JMY: variants seen among roughly 807,000 people sequenced by gnomAD.
JMY encodes the protein junction mediating and regulatory protein, p53 cofactor.
JMY carries 46 observed loss-of-function variants against 103.3 expected under a neutral mutation model. That is an observed-to-expected ratio of 0.45 (90% CI 0.35 to 0.57). JMY has a LOEUF of 0.57. Among genes scored for constraint, JMY ranks in the 20% least tolerant of loss-of-function variants. The pLI is 0.00. For synonymous variants in JMY, 526 were observed against 489.3 expected (o/e 1.07, Z -0.99); for missense variants, 1,238 against 1,255.2 (o/e 0.99, Z 0.21).
Position 79,284,587 on chromosome 5 carries a change from G to A in JMY, c.1207-5534G>A, listed in dbSNP as rs992328489. The A allele has an allele frequency of 2.4e-5, 37 of 1,539,776 alleles. No homozygotes were observed. The African/African-American group carries it at 3.8e-4, about 16-fold the overall frequency. On this transcript the variant is annotated intron_variant, in intron 2 of 10. Transcript: ENST00000396137. Reference sequence around the variant, plus strand: ...TCATTGTCTGCCATTTTTTGACCATGGAACACATTTTGTCACAGGTAAGAT... The same window carrying A: ...TCATTGTCTGCCATTTTTTGACCATAGAACACATTTTGTCACAGGTAAGAT...
intron 1 of JMY, among the ~76,000 whole-genome samples, chr5:79,247,624 T>C (rs935266050): frequency 7.2e-5 from 11 of 151,936 alleles, no homozygotes; most frequent in African/African-American, 2.7e-4. Flanking sequence ...GCCCCTGCTA[T>C]CACTTCTATT....
At chr5:79,258,297 CTTT>C (rs1225930409) in intron 1 of JMY, among the ~76,000 whole-genome samples, 1 of 139,440 alleles carries the variant, frequency 7.2e-6, no homozygotes, top group African/African-American at 2.7e-5. Flanking sequence ...GATATTAGGG[CTTT>C]TTTTGTTTTT....
Position 79,323,328 on chromosome 5 carries a change from A to T in JMY, c.*1726A>T, listed in dbSNP as rs999228294. ...CTAGGAGCTTCTCTGCAGCATCTTC[A>T]TAATACATTGGTTTTAGTTCCCACA... is the stretch of plus-strand genomic sequence containing the variant. On this transcript the variant is annotated 3_prime_UTR_variant, in exon 11 of 11. Transcript: ENST00000396137. 3.3e-5 allele frequency: 5 copies of T among 152,212 alleles called. No homozygotes were observed. The highest frequency in any genetic ancestry group is 1.2e-4 in the African/African-American group (5 of 41,460). The allele number at this position is 152,212 out of a possible 1,614,324, so 9.4% of individuals were successfully genotyped here.
chr5:79,238,251 C>CT lies in JMY; in HGVS notation c.1032+578dup, dbSNP rs199710232. 1.4e-3 allele frequency among the ~76,000 whole-genome samples: 207 copies of CT among 151,094 alleles called. 1 individual carries two copies. The East Asian group carries it at 0.019, about 14-fold the overall frequency. On this transcript the variant is annotated intron_variant, in intron 1 of 10. Coordinates refer to ENST00000396137, the MANE Select transcript of JMY (RefSeq NM_152405.5). ...AAGGTTTTTTAGAAGTGTTTTGTTT[C>CT]TTTTTTTTTGGACTACCTCAGGTCT...
intron 1 of JMY, among the ~76,000 whole-genome samples, chr5:79,264,295 C>T (rs562527720): frequency 6.6e-6 from 1 of 152,206 alleles, no homozygotes; most frequent in East Asian, 1.9e-4. Flanking sequence ...CTGTGTTACC[C>T]AGGCTGGTTT....
intron 6 of JMY, 60 bp downstream of exon 6, chr5:79,300,923 CT>C: frequency 7.3e-7 from 1 of 1,372,494 alleles, no homozygotes; most frequent in Non-Finnish European, 9.9e-7. Flanking sequence ...CTAATCTCAT[CT>C]GTTTTGTCTT....
Position 79,323,055 on chromosome 5 carries a change from T to TAAGA in JMY, c.*1454_*1457dup, listed in dbSNP as rs986845686. 6.6e-6 allele frequency: 1 copy of TAAGA among 151,756 alleles called. No individual in the cohort carries two copies. The highest frequency in any genetic ancestry group is 2.4e-5 in the African/African-American group (1 of 41,230). The allele number at this position is 151,756 out of a possible 1,614,324, so 9.4% of individuals were successfully genotyped here. ...GAAAATTTTCTGGCAACAGGTTATGTAAGACAACAACTTTTTTTATTATTT... is the reference window on the plus strand; with the variant it reads ...GAAAATTTTCTGGCAACAGGTTATGTAAGAAAGACAACAACTTTTTTTATTATTT... On this transcript the variant is annotated 3_prime_UTR_variant, in exon 11 of 11. Transcript: ENST00000396137.
intron 4 of JMY, among the ~76,000 whole-genome samples, chr5:79,298,822 T>C (rs1435956926): frequency 1.3e-5 from 2 of 152,370 alleles, no homozygotes; most frequent in East Asian, 1.9e-4. Flanking sequence ...AGGAAAAATA[T>C]TCTAATTATT....
chr5:79,289,493 T>C (rs1314795754), intron 2 of JMY, among the ~76,000 whole-genome samples: 1 of 152,214 alleles, frequency 6.6e-6, no homozygotes, highest in Non-Finnish European at 1.5e-5. Flanking sequence ...CAGTTCTTGA[T>C]TGTACCTTTC....
Position 79,323,624 on chromosome 5 carries a change from C to CACT in JMY, c.*2023_*2025dup, listed in dbSNP as rs1182662329. On this transcript the variant is annotated 3_prime_UTR_variant, in exon 11 of 11. Coordinates refer to ENST00000396137, the MANE Select transcript of JMY (RefSeq NM_152405.5). ...ATATCCAGTTCTTTGGGTGCTGGTT[C>CACT]ACTTTTTTTCATTTATTCAAATTCA... The CACT allele has an allele frequency of 6.6e-6, 1 of 152,194 alleles. No individual in the cohort carries two copies. Among genetic ancestry groups the CACT allele is most frequent in the African/African-American group, 2.4e-5 (1 of 41,450 alleles). The allele number at this position is 152,194 out of a possible 1,614,324, so 9.4% of individuals were successfully genotyped here. A position where few individuals can be genotyped will look rare whatever the true frequency, so the allele number is the denominator to read the frequency against.
At chr5:79,297,523 A>G (rs558620929) in intron 4 of JMY, among the ~76,000 whole-genome samples, 2 of 152,298 alleles carry the variant, frequency 1.3e-5, no homozygotes, top group South Asian at 2.1e-4. Flanking sequence ...TGCCCGCTCC[A>G]TACCTCTTCA....
At chr5:79,279,048 T>G (rs1334821115) in intron 2 of JMY, among the ~76,000 whole-genome samples, 1 of 152,040 alleles carries the variant, frequency 6.6e-6, no homozygotes, top group Non-Finnish European at 1.5e-5. Flanking sequence ...TACAAAAAAT[T>G]TTTTTCAGCC....
chr5:79,247,758 T>TTC (rs1470071843), intron 1 of JMY, among the ~76,000 whole-genome samples: 1 of 151,990 alleles, frequency 6.6e-6, no homozygotes, highest in African/African-American at 2.4e-5. Context: ...GTTCAAGCAA[T>TTC]TCTCCTGCCT....
chr5:79,273,924 G>A (rs1003432949), intron 1 of JMY, among the ~76,000 whole-genome samples: 1 of 151,822 alleles, frequency 6.6e-6, no homozygotes, highest in Non-Finnish European at 1.5e-5. Flanking sequence ...TCCGCCTCCC[G>A]GGTTCATGCC....
chr5:79,242,330 C>G (rs927601172), intron 1 of JMY, among the ~76,000 whole-genome samples: 7 of 152,260 alleles, frequency 4.6e-5, no homozygotes, highest in African/African-American at 1.7e-4. Flanking sequence ...TAAAGGATGT[C>G]TTAAGATTTG....
chr5:79,247,378 C>G (rs1339725340), intron 1 of JMY, among the ~76,000 whole-genome samples: 1 of 152,154 alleles, frequency 6.6e-6, no homozygotes, highest in Admixed American at 6.5e-5. Flanking sequence ...TCTCGGTTCA[C>G]TGCAACCTCC....
Position 79,314,120 on chromosome 5 carries a change from A to G in JMY, c.2065-137A>G, listed in dbSNP as rs1164187381. 8 of 1,397,372 alleles carry G rather than the reference A, an allele frequency of 5.7e-6. No individual in the cohort carries two copies. Among genetic ancestry groups the G allele is most frequent in the Non-Finnish European group, 7.5e-6 (8 of 1,061,478 alleles). The allele number at this position is 1,397,372 out of a possible 1,614,324, so 86.6% of individuals were successfully genotyped here. A position where few individuals can be genotyped will look rare whatever the true frequency, so the allele number is the denominator to read the frequency against. On this transcript the variant is annotated intron_variant, in intron 8 of 10. Coordinates refer to ENST00000396137, the MANE Select transcript of JMY (RefSeq NM_152405.5). Reference sequence around the variant, plus strand: ...GTGATCCACCCGCCTCGGCCTCCCAAAGTGCTGGGATTACAGGCGTGAGCC... The same window carrying G: ...GTGATCCACCCGCCTCGGCCTCCCAGAGTGCTGGGATTACAGGCGTGAGCC...
At chr5:79,238,117 ATTC>A (rs1291989618) in intron 1 of JMY, among the ~76,000 whole-genome samples, 3 of 152,062 alleles carry the variant, frequency 2.0e-5, no homozygotes, top group East Asian at 1.9e-4. Flanking sequence ...ATCTGTTTTG[ATTC>A]TTCTTTGTGC....
chr5:79,317,630 G>A (rs1407364834), intron 10 of JMY, among the ~76,000 whole-genome samples: 1 of 152,198 alleles, frequency 6.6e-6, no homozygotes, highest in Non-Finnish European at 1.5e-5. Flanking sequence ...GGGAAGACTT[G>A]AGTCCTAGAA....
Sources: allele counts gnomAD v4.1 joint callset (sites outside exome capture counted in the v4.1 genomes callset), GRCh38; gene constraint gnomAD v4.1.1; transcripts MANE v1.5; gene names NCBI Gene and HGNC (gene_info 2026-07-23, HGNC 2026-07-21).